The following JAKMIP2 variants were observed in gnomAD, a reference collection of about 807,000 sequenced individuals.
JAKMIP2 encodes the protein janus kinase and microtubule-interacting protein 2.
In JAKMIP2, 25 loss-of-function variants were observed where a neutral mutation model predicts 115.0. The observed-to-expected ratio is 0.22, with a 90% CI of 0.16 to 0.30. The LOEUF is 0.30. JAKMIP2 is among the 10% of genes least tolerant of loss of function. The pLI is 1.00. For synonymous variants in JAKMIP2, 334 were observed against 343.6 expected (o/e 0.97, Z 0.31); for missense variants, 642 against 957.6 (o/e 0.67, Z 4.35).
chr5:147,620,652 C>A lies in JAKMIP2; in HGVS notation c.2142+14G>T, dbSNP rs1046402560. On this transcript the variant is annotated intron_variant, in intron 18 of 21. Coordinates refer to ENST00000616793, the MANE Select transcript of JAKMIP2 (RefSeq NM_001270941.2). ...GTAAATACTGCGGGTGTCTCTATCACTTGTTGTACCTACCATATATGCTTG... is the reference window on the plus strand; with the variant it reads ...GTAAATACTGCGGGTGTCTCTATCAATTGTTGTACCTACCATATATGCTTG... 1.3e-6 allele frequency: 2 copies of A among 1,593,502 alleles called. No individual in the cohort carries two copies. The highest frequency in any genetic ancestry group is 1.7e-6 in the Non-Finnish European group (2 of 1,161,632).
chr5:147,764,510 A>G (rs1755042077), intron 1 of JAKMIP2, among the ~76,000 whole-genome samples: 1 of 152,040 alleles, frequency 6.6e-6, no homozygotes. Context: ...GGGATGCTGG[A>G]GCAAAGACAC....
At chr5:147,620,476 A>G (rs1474832596) in intron 18 of JAKMIP2, among the ~76,000 whole-genome samples, 190 bp downstream of exon 18, 1 of 152,222 alleles carries the variant, frequency 6.6e-6, no homozygotes, top group Non-Finnish European at 1.5e-5. Flanking sequence ...AGAATATCTT[A>G]TAAGAATCTT....
At chr5:147,748,859 C>T (rs1754450587) in intron 1 of JAKMIP2, among the ~76,000 whole-genome samples, 1 of 152,154 alleles carries the variant, frequency 6.6e-6, no homozygotes, top group Non-Finnish European at 1.5e-5. Context: ...TCCATAAAAC[C>T]CCTTGCATTT....
At chr5:147,699,077 C>T (rs914188663) in intron 1 of JAKMIP2, among the ~76,000 whole-genome samples, 5 of 152,198 alleles carry the variant, frequency 3.3e-5, no homozygotes, top group Admixed American at 6.5e-5. Context: ...GGCCTTTGCT[C>T]ATGCTATGAT....
chr5:147,635,997 T>C (rs1298817249), intron 12 of JAKMIP2, among the ~76,000 whole-genome samples: 1 of 152,162 alleles, frequency 6.6e-6, no homozygotes, highest in Non-Finnish European at 1.5e-5. Context: ...ATCACATCCT[T>C]TCAAGTCTGC....
intron 2 of JAKMIP2, among the ~76,000 whole-genome samples, chr5:147,667,906 A>G (rs1261953577): frequency 6.6e-6 from 1 of 152,200 alleles, no homozygotes; most frequent in Non-Finnish European, 1.5e-5. Context: ...GCCTTGAATC[A>G]GACAGTGAGC....
intron 1 of JAKMIP2, among the ~76,000 whole-genome samples, chr5:147,700,498 C>T (rs1282000559): frequency 6.6e-6 from 1 of 152,104 alleles, no homozygotes; most frequent in African/African-American, 2.4e-5. Flanking sequence ...TAATATATGT[C>T]TCATGCAGTT....
intron 5 of JAKMIP2, among the ~76,000 whole-genome samples, chr5:147,645,625 C>T (rs1468625517): frequency 2.0e-5 from 3 of 152,128 alleles, no homozygotes; most frequent in South Asian, 2.1e-4. Context: ...TGTTATCCAC[C>T]CATAATTAAG....
intron 20 of JAKMIP2, among the ~76,000 whole-genome samples, chr5:147,602,856 G>C (rs1349833173): frequency 6.6e-6 from 1 of 152,142 alleles, no homozygotes; most frequent in Non-Finnish European, 1.5e-5. Flanking sequence ...TAATGCTACT[G>C]CTTATAAGGT....
rs1375829365 is a variant in JAKMIP2 at position 147,587,197 on chromosome 5, A to G, written c.*4510T>C. 6.6e-6 allele frequency: 1 copy of G among 152,190 alleles called. No individual in the cohort carries two copies. The highest frequency in any genetic ancestry group is 1.5e-5 in the Non-Finnish European group (1 of 68,044). 9.4% of individuals were successfully genotyped at this position (152,190 alleles called of 1,614,324 possible). On this transcript the variant is annotated 3_prime_UTR_variant, in exon 22 of 22. Coordinates refer to ENST00000616793, the MANE Select transcript of JAKMIP2 (RefSeq NM_001270941.2). ...GGCTTGGGTCCATATTGGAAGCATA[A>G]ACTCATGACATAAACAGTCATCTAA...
At chr5:147,777,859 C>T (rs1368869499) in intron 1 of JAKMIP2, among the ~76,000 whole-genome samples, 11 of 151,806 alleles carry the variant, frequency 7.2e-5, no homozygotes, top group Admixed American at 7.2e-4. Flanking sequence ...AAAAGAGACA[C>T]CAGAAAATTA....
At chr5:147,679,261 G>A (rs1055632782) in intron 1 of JAKMIP2, among the ~76,000 whole-genome samples, 5 of 152,054 alleles carry the variant, frequency 3.3e-5, no homozygotes, top group South Asian at 2.1e-4. Flanking sequence ...AATTACAGGC[G>A]TGAGCCACCA....
chr5:147,658,679 T>A (rs1758802246), intron 3 of JAKMIP2, among the ~76,000 whole-genome samples: 2 of 152,142 alleles, frequency 1.3e-5, no homozygotes, highest in African/African-American at 4.8e-5. Context: ...GAGTTCTGTC[T>A]GTAAGCCCCT....
intron 1 of JAKMIP2, among the ~76,000 whole-genome samples, chr5:147,721,391 G>A (rs4574530): frequency 3.3e-5 from 5 of 152,058 alleles, no homozygotes; most frequent in South Asian, 2.1e-4. Context: ...TTGGAGCTTC[G>A]AGGCTGCTTT....
chr5:147,661,964 C>T (rs1210380825), intron 2 of JAKMIP2: 1 of 152,854 alleles, frequency 6.5e-6, no homozygotes, highest in Non-Finnish European at 1.5e-5. Flanking sequence ...TAGAATAGCT[C>T]ACAGTTTGAT....
intron 8 of JAKMIP2, among the ~76,000 whole-genome samples, chr5:147,641,462 G>A (rs1476827116): frequency 2.6e-5 from 4 of 152,178 alleles, no homozygotes; most frequent in African/African-American, 9.7e-5. Context: ...AAACCTAGGG[G>A]CATCTCCATT....
intron 17 of JAKMIP2, among the ~76,000 whole-genome samples, chr5:147,621,699 T>C (rs1019015965): frequency 6.6e-6 from 1 of 152,208 alleles, no homozygotes; most frequent in African/African-American, 2.4e-5. Flanking sequence ...TGCTTTGACA[T>C]TGGAGCCTAA....
intron 10 of JAKMIP2, among the ~76,000 whole-genome samples, chr5:147,639,285 G>A (rs969149025): frequency 6.6e-6 from 1 of 152,118 alleles, no homozygotes; most frequent in Non-Finnish European, 1.5e-5. Context: ...GAAGACACTG[G>A]CTCACTATTG....
intron 1 of JAKMIP2, among the ~76,000 whole-genome samples, chr5:147,781,595 T>A (rs1755759018): frequency 1.3e-5 from 2 of 152,188 alleles, no homozygotes; most frequent in African/African-American, 4.8e-5. Flanking sequence ...TTGCATCTAG[T>A]TCTATGACAC....
Sources: gnomAD v4.1 joint callset for allele counts (sites outside exome capture counted in the v4.1 genomes callset) on GRCh38, gnomAD v4.1.1 for gene constraint, MANE v1.5 for transcripts, NCBI Gene and HGNC (gene_info 2026-07-23, HGNC 2026-07-21) for gene names.